The following DARS1 variants were observed in gnomAD, a reference collection of about 807,000 sequenced individuals.
The protein encoded by DARS1 is aspartyl-tRNA synthetase 1, also known as aspartate--tRNA ligase, cytoplasmic.
DARS1 carries 51 observed loss-of-function variants against 68.8 expected under a neutral mutation model. The observed-to-expected ratio is 0.74, with a 90% CI of 0.59 to 0.94. The LOEUF (loss-of-function observed/expected upper bound fraction) is 0.94. DARS1 is among the 40% of genes least tolerant of loss of function. The pLI is 0.00. For missense variants in DARS1, 607 were observed against 597.3 expected (o/e 1.02, Z -0.17); for synonymous variants, 203 against 190.4 (o/e 1.07, Z -0.55).
At chr2:135,963,238 T>G (rs539997705) in intron 3 of DARS1, among the ~76,000 whole-genome samples, 1 of 152,228 alleles carries the variant, frequency 6.6e-6, no homozygotes, top group Admixed American at 6.5e-5. Flanking sequence ...GGAAAATTAT[T>G]AAACCACTTT....
Position 135,943,378 on chromosome 2 carries a change from C to T in DARS1, c.423G>A (p.Lys141=). Residue 141 remains lysine (K), a splice_region_variant and synonymous_variant, in exon 5 of 16, where the codon AAG becomes AAA. Coordinates refer to ENST00000264161, the MANE Select transcript of DARS1 (RefSeq NM_001349.4). ...GATTTTATATTTTGAAAAAACTTAC[C>T]TTCTGAACATGTAACTCAACGTCTT... The part of the protein sequence containing the change: ...TQQDVELHVQ[K]IYVISLAEPR... 6.2e-7 allele frequency: 1 copy of T among 1,608,440 alleles called. No homozygotes were observed. The highest frequency in any genetic ancestry group is 8.5e-7 in the Non-Finnish European group (1 of 1,177,990).
intron 2 of DARS1, 72 bp downstream of exon 2, chr2:135,983,325 T>C (rs945035868): frequency 5.3e-6 from 4 of 761,832 alleles, no homozygotes; most frequent in Non-Finnish European, 9.0e-6. Context: ...CAACCTTACT[T>C]AAAATTTCAT....
intron 15 of DARS1, among the ~76,000 whole-genome samples, chr2:135,909,759 T>C (rs923837899): frequency 6.6e-6 from 1 of 152,102 alleles, no homozygotes; most frequent in African/African-American, 2.4e-5. Context: ...AGGATTTCCT[T>C]CTTTTGTAAG....
chr2:135,947,100 T>A (rs1460691670), intron 4 of DARS1, among the ~76,000 whole-genome samples: 19 of 152,008 alleles, frequency 1.2e-4, no homozygotes, highest in Non-Finnish European at 1.2e-4. Context: ...TTTATTTTTA[T>A]AGCTCAAATG....
At position 135,920,490 on chromosome 2, in the gene DARS1, C is replaced by CA; in HGVS notation, c.921dup (p.Asp308Ter). The CA allele has an allele frequency of 6.2e-7, 1 of 1,613,504 alleles. No homozygotes were observed. The stretch of plus-strand genomic sequence containing the variant: ...CCTTTGAATATTTGTACCATGGTGT[C>CA]AGCAATTTCTTCCATAACTTCGTGG... On this transcript the variant is annotated frameshift_variant, in exon 10 of 16. Transcript: ENST00000264161. LOFTEE classifies it high-confidence loss of function.
chr2:135,924,335 T>C, intron 8 of DARS1, 52 bp downstream of exon 8: 3 of 1,512,900 alleles, frequency 2.0e-6, no homozygotes, highest in South Asian at 1.3e-5. Context: ...AAAGCAACTC[T>C]GGGGAGAGCA....
intron 5 of DARS1, among the ~76,000 whole-genome samples, chr2:135,939,812 A>G (rs1681556651): frequency 6.6e-6 from 1 of 152,194 alleles, no homozygotes; most frequent in African/African-American, 2.4e-5. Flanking sequence ...GCAATAAAAA[A>G]TGATAAAGGG....
At chr2:135,932,643 A>C in intron 7 of DARS1, 140 bp downstream of exon 7, 1 of 537,428 alleles carries the variant, frequency 1.9e-6, no homozygotes. Context: ...GGTCAGTCAG[A>C]AAAGGAAATT....
intron 4 of DARS1, among the ~76,000 whole-genome samples, chr2:135,955,802 C>T (rs1681959853): frequency 6.7e-6 from 1 of 148,520 alleles, no homozygotes; most frequent in Non-Finnish European, 1.5e-5. Context: ...ACTACAGGCT[C>T]ACACCACCAT....
At chr2:135,961,584 G>T in intron 3 of DARS1, 86 bp from the exon 4 acceptor site, 1 of 805,622 alleles carries the variant, frequency 1.2e-6, no homozygotes, top group South Asian at 1.4e-5. Context: ...TACTTTAAAA[G>T]TGGGCCAAAA....
intron 3 of DARS1, among the ~76,000 whole-genome samples, chr2:135,970,543 C>G (rs537519618): frequency 6.6e-6 from 1 of 151,914 alleles, no homozygotes; most frequent in South Asian, 2.1e-4. Flanking sequence ...AATAACCTAA[C>G]AATGCATCTT....
At chr2:135,927,594 C>T (rs144372904) in intron 7 of DARS1, among the ~76,000 whole-genome samples, 2 of 152,154 alleles carry the variant, frequency 1.3e-5, no homozygotes, top group Non-Finnish European at 2.9e-5. Context: ...ACTTCCTCCT[C>T]ACTCATTAAA....
intron 5 of DARS1, among the ~76,000 whole-genome samples, chr2:135,936,285 A>G (rs575583037): frequency 6.6e-6 from 1 of 152,328 alleles, no homozygotes; most frequent in Non-Finnish European, 1.5e-5. Flanking sequence ...CTTAAAATTT[A>G]TTACTAATAT....
At chr2:135,924,084 A>C (rs1681162445) in intron 8 of DARS1, among the ~76,000 whole-genome samples, 1 of 152,240 alleles carries the variant, frequency 6.6e-6, no homozygotes, top group South Asian at 2.1e-4. Flanking sequence ...CTAATTTCAA[A>C]AGAAATCTAT....
chr2:135,949,819 G>C (rs1296393589), intron 4 of DARS1, among the ~76,000 whole-genome samples: 1 of 152,160 alleles, frequency 6.6e-6, no homozygotes, highest in East Asian at 1.9e-4. Context: ...CAGACAATTT[G>C]AGGCAAAATA....
intron 4 of DARS1, among the ~76,000 whole-genome samples, chr2:135,949,427 A>AT (rs547145789): frequency 2.0e-5 from 3 of 152,182 alleles, no homozygotes; most frequent in South Asian, 4.1e-4. Context: ...ATACAAAAAA[A>AT]TTTTTTTTAA....
intron 3 of DARS1, among the ~76,000 whole-genome samples, chr2:135,976,732 A>G (rs1682507643): frequency 6.7e-6 from 1 of 150,336 alleles, no homozygotes; most frequent in Admixed American, 6.7e-5. Flanking sequence ...TGCTCATTGG[A>G]GCATTTTGGA....
At chr2:135,942,147 T>C (rs1681616305) in intron 5 of DARS1, among the ~76,000 whole-genome samples, 1 of 152,118 alleles carries the variant, frequency 6.6e-6, no homozygotes, top group Non-Finnish European at 1.5e-5. Context: ...AGCCATCCCA[T>C]TACTGGGTAT....
intron 5 of DARS1, among the ~76,000 whole-genome samples, chr2:135,938,849 G>C (rs1019757505): frequency 6.6e-6 from 1 of 151,928 alleles, no homozygotes; most frequent in Non-Finnish European, 1.5e-5. Context: ...AAAAAAAACA[G>C]GGGTTGCAAC....
Sources: gnomAD v4.1 joint callset for allele counts (sites outside exome capture counted in the v4.1 genomes callset) on GRCh38, gnomAD v4.1.1 for gene constraint, MANE v1.5 for transcripts, NCBI Gene and HGNC (gene_info 2026-07-23, HGNC 2026-07-21) for gene names.